The following ZNF471 variants were observed in gnomAD, a reference collection of about 807,000 sequenced individuals.
ZNF471 encodes EZFIT-related protein 1.
A neutral mutation model predicts 13.7 loss-of-function variants in ZNF471; 7 were observed. The observed-to-expected ratio is 0.51, with a 90% CI of 0.29 to 0.96. ZNF471 has a LOEUF of 0.96. Among genes scored for constraint, ZNF471 ranks in the 40% least tolerant of loss-of-function variants. The probability of loss-of-function intolerance (pLI) is 0.08; values close to 1 mark genes in which losing one functional copy is unlikely to be tolerated. For synonymous variants in ZNF471, 218 were observed against 235.6 expected, an observed-to-expected ratio of 0.93 and a Z score of 0.68; for missense variants, 663 against 743.3, an observed-to-expected ratio of 0.89 and a Z score of 1.26.
At position 56,524,912 on chromosome 19, in the gene ZNF471, G is replaced by T. The variant is rs375659650; in HGVS notation, c.845G>T (p.Arg282Ile). Reference sequence around the variant, plus strand: ...AGTGAACACCTTATTCAGCATCAAAGAATTCATACTGGAGAAAAACCATAT... The same window carrying T: ...AGTGAACACCTTATTCAGCATCAAATAATTCATACTGGAGAAAAACCATAT... ...KQSEHLIQHQ[R>I]IHTGEKPYKC... The change falls in exon 5 of 5, where the codon AGA (arginine) becomes ATA (isoleucine). Residue 282 changes from arginine (R) to isoleucine (I), a missense_variant. Physicochemically the swap from Arg to Ile is moderately conservative, Grantham distance 97. Transcript: ENST00000308031. The surrounding 1 kb of genome is among the most constrained non-coding windows in gnomAD (Gnocchi z 4.8). 29 of 1,613,364 alleles carry T rather than the reference G, an allele frequency of 1.8e-5. No homozygotes were observed. The highest frequency in any genetic ancestry group is 2.4e-5 in the Non-Finnish European group (28 of 1,179,754).
At position 56,525,650 on chromosome 19, in the gene ZNF471, C is replaced by G; in HGVS notation, c.1583C>G (p.Ser528Ter). Residue 528 changes from serine (S) to a stop codon, truncating the protein, a stop_gained, in exon 5 of 5, where the codon TCA (serine) becomes TGA (stop). Transcript: ENST00000308031. LOFTEE classifies it low-confidence loss of function (END_TRUNC). Reference sequence around the variant, plus strand: ...TGTGGAAATGCTTTCAAACAGAGATCACACCTTGCCCAACATCAGAAAACT... The same window carrying G: ...TGTGGAAATGCTTTCAAACAGAGATGACACCTTGCCCAACATCAGAAAACT... ...IECGNAFKQR[S>*]HLAQHQKTHT... 6.2e-7 allele frequency: 1 copy of G among 1,614,094 alleles called. No individual in the cohort carries two copies. The highest frequency in any genetic ancestry group is 8.5e-7 in the Non-Finnish European group (1 of 1,180,010).
intron 2 of ZNF471, among the ~76,000 whole-genome samples, chr19:56,514,210 C>T (rs971442900): frequency 4.6e-5 from 7 of 151,846 alleles, no homozygotes; most frequent in African/African-American, 1.7e-4. Context: ...TATAGGCATG[C>T]ACCACCATGC....
chr19:56,522,753 TG>T lies in ZNF471; in HGVS notation c.257-1570del, dbSNP rs548046796. ...TTTTCTTTTTTTCTTTTTTTTTTTTTGAGATGGAGTTTCATTCTTGTCACCC... is the reference window on the plus strand; with the variant it reads ...TTTTCTTTTTTTCTTTTTTTTTTTTTAGATGGAGTTTCATTCTTGTCACCC... On this transcript the variant is annotated intron_variant, in intron 4 of 4. Coordinates refer to ENST00000308031, the MANE Select transcript of ZNF471 (RefSeq NM_020813.4). The surrounding 1 kb of genome is among the most constrained non-coding windows in gnomAD (Gnocchi z 4.1). Among the ~76,000 whole-genome samples the T allele has an allele frequency of 2.8e-3, 429 of 151,832 alleles. 4 individuals are homozygous for T. The highest frequency in any genetic ancestry group is 9.9e-3 in the African/African-American group (410 of 41,450).
At position 56,525,134 on chromosome 19, in the gene ZNF471, G is replaced by T. The variant is rs576589130; in HGVS notation, c.1067G>T (p.Arg356Met). The part of the protein sequence containing the change: ...YECIECGKAF[R>M]YNTSFIRHWR... The stretch of plus-strand genomic sequence containing the variant: ...TGTATTGAGTGTGGGAAGGCTTTTA[G>T]GTATAACACATCTTTTATTCGTCAC... Residue 356 changes from arginine to methionine, a missense_variant, in exon 5 of 5, where the codon AGG becomes ATG. Coordinates refer to ENST00000308031, the MANE Select transcript of ZNF471 (RefSeq NM_020813.4). The T allele has an allele frequency of 6.2e-5, 100 of 1,614,130 alleles. 1 individual carries two copies. The South Asian group carries it at 1.0e-3, about 16-fold the overall frequency.
chr19:56,524,282 C>A lies in ZNF471; in HGVS notation c.257-42C>A. 7.6e-7 allele frequency: 1 copy of A among 1,320,712 alleles called. No homozygotes were observed. 81.8% of individuals were successfully genotyped at this position (1,320,712 alleles called of 1,614,324 possible). A position where few individuals can be genotyped will look rare whatever the true frequency, so the allele number is the denominator to read the frequency against. ...TTCACAATGTCTCCTTTGTTGTAGCCCATGATAAAGGGAACATTCACTTTT... is the reference window on the plus strand; with the variant it reads ...TTCACAATGTCTCCTTTGTTGTAGCACATGATAAAGGGAACATTCACTTTT... On this transcript the variant is annotated intron_variant, in intron 4 of 4. Transcript: ENST00000308031. The surrounding 1 kb of genome is among the most constrained non-coding windows in gnomAD (Gnocchi z 4.8).
chr19:56,523,383 T>TGGTC (rs2043999802), intron 4 of ZNF471, among the ~76,000 whole-genome samples: 2 of 142,868 alleles, frequency 1.4e-5, no homozygotes, highest in South Asian at 4.4e-4. Context: ...TATAAAAAGG[T>TGGTC]GGTCTAAGAG....
In ZNF471 at chr19:56,530,175, T is replaced by C. The variant is rs948843579; in HGVS notation, c.*4227T>C. The C allele has an allele frequency of 1.3e-5, 2 of 152,246 alleles. No homozygotes were observed. The highest frequency in any genetic ancestry group is 2.9e-5 in the Non-Finnish European group (2 of 68,048). The allele number at this position is 152,246 out of a possible 1,614,324, so 9.4% of individuals were successfully genotyped here. A position where few individuals can be genotyped will look rare whatever the true frequency, so the allele number is the denominator to read the frequency against. On this transcript the variant is annotated 3_prime_UTR_variant, in exon 5 of 5. Coordinates refer to ENST00000308031, the MANE Select transcript of ZNF471 (RefSeq NM_020813.4). ...TAACTTCATGACTAACATGATGACA[T>C]CGTTATTAACTACATAAACTTTATA...
At chr19:56,511,788 T>A (rs2043815829) in intron 2 of ZNF471, among the ~76,000 whole-genome samples, 184 bp downstream of exon 2, 1 of 152,202 alleles carries the variant, frequency 6.6e-6, no homozygotes, top group Admixed American at 6.5e-5. Flanking sequence ...GTATAAAAAG[T>A]CATGGAGGTC....
In ZNF471 at chr19:56,522,983, G is replaced by A. The variant is rs1049274271; in HGVS notation, c.257-1341G>A. Among the ~76,000 whole-genome samples, 4 of 152,134 alleles carry A rather than the reference G, an allele frequency of 2.6e-5. No individual in the cohort carries two copies. The highest frequency in any genetic ancestry group is 1.9e-4 in the East Asian group (1 of 5,188). On this transcript the variant is annotated intron_variant, in intron 4 of 4. Coordinates refer to ENST00000308031, the MANE Select transcript of ZNF471 (RefSeq NM_020813.4). This position sits in a 1 kb window ranked among gnomAD's most constrained non-coding sequence, Gnocchi z 4.1. Reference sequence around the variant, plus strand: ...ACTTCTGACCTCAGGTGACATGCCCGCCTTGGCCTCCCAAAGTGCTGGGAT... The same window carrying A: ...ACTTCTGACCTCAGGTGACATGCCCACCTTGGCCTCCCAAAGTGCTGGGAT...
In ZNF471 at chr19:56,516,347, A is replaced by G. The variant is rs1305324193; in HGVS notation, c.106A>G (p.Lys36Glu). Residue 36 changes from lysine to glutamate, a missense_variant, in exon 3 of 5, where the codon AAG becomes GAG. Coordinates refer to ENST00000308031, the MANE Select transcript of ZNF471 (RefSeq NM_020813.4). This position sits in a 1 kb window ranked among gnomAD's most constrained non-coding sequence, Gnocchi z 4.4. ...ATGGCAATGGATGAACCCTGCTCAG[A>G]AGCGTTTATACAGGAGTATGATGTT... ...EEWQWMNPAQ[K>E]RLYRSMMLEN... is the part of the protein sequence containing the mutation. 1 of 1,613,810 alleles carries G rather than the reference A, an allele frequency of 6.2e-7. No homozygotes were observed. The highest frequency in any genetic ancestry group is 8.5e-7 in the Non-Finnish European group (1 of 1,179,868).
Position 56,525,415 on chromosome 19 carries a change from CAA to C in ZNF471, c.1350_1351del (p.Arg451SerfsTer9), listed in dbSNP as rs752937306. 5.6e-6 allele frequency: 9 copies of C among 1,613,922 alleles called. No homozygotes were observed. Among genetic ancestry groups the C allele is most frequent in the Non-Finnish European group, 7.6e-6 (9 of 1,180,022 alleles). On this transcript the variant is annotated frameshift_variant, in exon 5 of 5. Transcript: ENST00000308031. LOFTEE classifies it low-confidence loss of function (END_TRUNC). ...CCATCATGCATCACTCACTCAGCATCAAAGAGTACATTCTGGAGAGAAACCGT... is the reference window on the plus strand; with the variant it reads ...CCATCATGCATCACTCACTCAGCATCAGAGTACATTCTGGAGAGAAACCGT... ...FSHHASLTQHQRVHSGEKPYE... is the reference protein window; with the variant it reads ...FSHHASLTQHXRVHSGEKPYE...
At position 56,522,928 on chromosome 19, in the gene ZNF471, G is replaced by T. The variant is rs1380332005; in HGVS notation, c.257-1396G>T. On this transcript the variant is annotated intron_variant, in intron 4 of 4. Coordinates refer to ENST00000308031, the MANE Select transcript of ZNF471 (RefSeq NM_020813.4). This position sits in a 1 kb window ranked among gnomAD's most constrained non-coding sequence, Gnocchi z 4.1. ...ATTTTGTGTTTTTAGTAGAGACAGG[G>T]TTACACCACATTGGCCAGGCTGGTC... 6.6e-6 allele frequency among the ~76,000 whole-genome samples: 1 copy of T among 151,876 alleles called. No individual in the cohort carries two copies. Among genetic ancestry groups the T allele is most frequent in the East Asian group, 1.9e-4 (1 of 5,164 alleles).
chr19:56,509,716 TGTG>T (rs1334797723), intron 1 of ZNF471: 9 of 97,154 alleles, frequency 9.3e-5, no homozygotes, highest in Non-Finnish European at 1.9e-4. Flanking sequence ...GCTTGCCTGG[TGTG>T]TGTGTGTGTG....
chr19:56,509,124 A>G (rs2043775268), intron 1 of ZNF471, among the ~76,000 whole-genome samples: 1 of 152,148 alleles, frequency 6.6e-6, no homozygotes, highest in South Asian at 2.1e-4. Flanking sequence ...ACGGTAAGGG[A>G]TGGTCACAAG....
At chr19:56,512,330 C>T (rs780201430) in intron 2 of ZNF471, among the ~76,000 whole-genome samples, 11 of 151,286 alleles carry the variant, frequency 7.3e-5, no homozygotes, top group Non-Finnish European at 1.6e-4. Context: ...CCTTTAGGTC[C>T]TATTTTTCTT....
At position 56,528,125 on chromosome 19, in the gene ZNF471, T is replaced by G. The variant is rs1166550480; in HGVS notation, c.*2177T>G. 1 of 152,230 alleles carries G rather than the reference T, an allele frequency of 6.6e-6. No individual in the cohort carries two copies. The highest frequency in any genetic ancestry group is 2.4e-5 in the African/African-American group (1 of 41,464). The allele number at this position is 152,230 out of a possible 1,614,324, so 9.4% of individuals were successfully genotyped here. A position where few individuals can be genotyped will look rare whatever the true frequency, so the allele number is the denominator to read the frequency against. The stretch of plus-strand genomic sequence containing the variant: ...CCGATAAGCAAAAAAGTCCTCACAT[T>G]CAATGGGTTGCATACCCATGAATTC... On this transcript the variant is annotated 3_prime_UTR_variant, in exon 5 of 5. Transcript: ENST00000308031.
chr19:56,508,135 G>A lies in ZNF471; in HGVS notation c.-56+215G>A. 1 of 985,464 alleles carries A rather than the reference G, an allele frequency of 1.0e-6. No homozygotes were observed. Among genetic ancestry groups the A allele is most frequent in the Non-Finnish European group, 1.2e-6 (1 of 829,938 alleles). The allele number at this position is 985,464 out of a possible 1,614,324, so 61.0% of individuals were successfully genotyped here. On this transcript the variant is annotated intron_variant, in intron 1 of 4. Coordinates refer to ENST00000308031, the MANE Select transcript of ZNF471 (RefSeq NM_020813.4). The surrounding 1 kb of genome is among the most constrained non-coding windows in gnomAD (Gnocchi z 4.7). ...TGGGCGTTCGGGGCGGCTTGGGGCG[G>A]CGGGACCACTGGAGTGAGCTGTGGG... is the stretch of plus-strand genomic sequence containing the variant.
At position 56,524,203 on chromosome 19, in the gene ZNF471, T is replaced by G; in HGVS notation, c.257-121T>G. Reference sequence around the variant, plus strand: ...CTCCCTGAATGTTTTCCAGTTGACATGCCTGTACATAACAGGTTTTGTGAG... The same window carrying G: ...CTCCCTGAATGTTTTCCAGTTGACAGGCCTGTACATAACAGGTTTTGTGAG... On this transcript the variant is annotated intron_variant, in intron 4 of 4. Transcript: ENST00000308031. The surrounding 1 kb of genome is among the most constrained non-coding windows in gnomAD (Gnocchi z 4.8). 1 of 692,118 alleles carries G rather than the reference T, an allele frequency of 1.4e-6. No individual in the cohort carries two copies. The highest frequency in any genetic ancestry group is 2.3e-6 in the Non-Finnish European group (1 of 437,304). The allele number at this position is 692,118 out of a possible 1,614,324, so 42.9% of individuals were successfully genotyped here.
At position 56,510,190 on chromosome 19, in the gene ZNF471, T is replaced by C. The variant is rs1424501055; in HGVS notation, c.-55-1327T>C. ...ATTTTGTGTGCATGAGATAAAGCAG[T>C]TGGAATATGAGAGATCAGAGTGTGT... On this transcript the variant is annotated intron_variant, in intron 1 of 4. Transcript: ENST00000308031. This position sits in a 1 kb window ranked among gnomAD's most constrained non-coding sequence, Gnocchi z 4.3. The C allele has an allele frequency of 1.0e-6, 1 of 985,190 alleles. No individual in the cohort carries two copies. Among genetic ancestry groups the C allele is most frequent in the African/African-American group, 1.8e-5 (1 of 57,142 alleles). The allele number at this position is 985,190 out of a possible 1,614,324, so 61.0% of individuals were successfully genotyped here.
Sources: allele counts gnomAD v4.1 joint callset (sites outside exome capture counted in the v4.1 genomes callset), GRCh38; gene constraint gnomAD v4.1.1; non-coding constraint Gnocchi (gnomAD v3.1); transcripts MANE v1.5; gene names NCBI Gene and HGNC (gene_info 2026-07-23, HGNC 2026-07-21).